The following LINGO2 variants were observed in gnomAD, a reference collection of about 807,000 sequenced individuals.
LINGO2 encodes leucine-rich repeat and immunoglobulin-like domain-containing nogo receptor-interacting protein 2.
A neutral mutation model predicts 30.6 loss-of-function variants in LINGO2; 14 were observed. The observed-to-expected ratio is 0.46, with a 90% CI of 0.30 to 0.72. The LOEUF is 0.72. Ranked by LOEUF, LINGO2 falls within the 30% of genes least tolerant of loss-of-function variation. The probability of loss-of-function intolerance (pLI) is 0.07; values close to 1 mark genes in which losing one functional copy is unlikely to be tolerated. For missense variants in LINGO2, 729 were observed against 751.7 expected (o/e 0.97, Z 0.35); for synonymous variants, 317 against 288.5 (o/e 1.10, Z -1.00).
intron 4 of LINGO2, among the ~76,000 whole-genome samples, chr9:28,235,936 T>G (rs975709479): frequency 6.6e-6 from 1 of 152,104 alleles, no homozygotes; most frequent in Non-Finnish European, 1.5e-5. Context: ...ATCAGAGGAC[T>G]TCCTAATCCT....
intron 3 of LINGO2, among the ~76,000 whole-genome samples, chr9:28,321,960 C>T (rs767591905): frequency 3.3e-5 from 5 of 152,138 alleles, no homozygotes; most frequent in Non-Finnish European, 5.9e-5. Context: ...TATTTTTATA[C>T]ATCCATCAAT....
intron 1 of LINGO2, among the ~76,000 whole-genome samples, chr9:28,502,937 T>C (rs146466135): frequency 6.6e-6 from 1 of 152,232 alleles, no homozygotes; most frequent in East Asian, 1.9e-4. Flanking sequence ...ATAGTTCCTG[T>C]GCAGATAATG....
the LINGO2 span, among the ~76,000 whole-genome samples, chr9:28,992,692 A>T: frequency 6.6e-6 from 1 of 152,154 alleles, no homozygotes; most frequent in Non-Finnish European, 1.5e-5. Context: ...ATCAAACTAG[A>T]ACTCAGGATT....
intron 2 of LINGO2, among the ~76,000 whole-genome samples, chr9:28,447,325 C>T (rs760563971): frequency 6.6e-6 from 1 of 152,110 alleles, no homozygotes; most frequent in East Asian, 1.9e-4. Flanking sequence ...GAATTAGTTG[C>T]TTGTAAAACT....
chr9:27,968,684 C>T (rs1266550357), intron 5 of LINGO2, among the ~76,000 whole-genome samples: 10 of 151,772 alleles, frequency 6.6e-5, no homozygotes, highest in Admixed American at 1.3e-4. Flanking sequence ...AAAAGTCCTT[C>T]AAAATTCAAT....
chr9:29,163,845 G>A, the LINGO2 span, among the ~76,000 whole-genome samples: 2 of 152,104 alleles, frequency 1.3e-5, no homozygotes, highest in African/African-American at 4.8e-5. Context: ...GAATGCAACA[G>A]TACCTCCCAT....
chr9:28,826,012 C>T, the LINGO2 span, among the ~76,000 whole-genome samples: 10 of 152,120 alleles, frequency 6.6e-5, no homozygotes, highest in Non-Finnish European at 7.4e-5. Flanking sequence ...AATGCCAAGG[C>T]ACAAAGCTAC....
chr9:28,799,554 C>G, the LINGO2 span, among the ~76,000 whole-genome samples: 1 of 152,190 alleles, frequency 6.6e-6, no homozygotes, highest in African/African-American at 2.4e-5. Flanking sequence ...GTTTTAAGAA[C>G]TGAGAGGAGA....
the LINGO2 span, among the ~76,000 whole-genome samples, chr9:28,943,256 G>A: frequency 1.3e-5 from 2 of 152,182 alleles, no homozygotes; most frequent in African/African-American, 4.8e-5. Context: ...CTCCATTATG[G>A]AGCAGGAGAA....
the LINGO2 span, among the ~76,000 whole-genome samples, chr9:29,078,139 G>A: frequency 6.6e-6 from 1 of 151,876 alleles, no homozygotes; most frequent in Non-Finnish European, 1.5e-5. Flanking sequence ...CAATATTTAA[G>A]GAGCAAAGAA....
chr9:28,744,973 C>T, the LINGO2 span, among the ~76,000 whole-genome samples: 1 of 151,868 alleles, frequency 6.6e-6, no homozygotes, highest in South Asian at 2.1e-4. Context: ...AGGAGTGATC[C>T]CTAGGTCTAC....
chr9:28,020,195 G>T (rs1355265973), intron 4 of LINGO2, among the ~76,000 whole-genome samples: 1 of 152,128 alleles, frequency 6.6e-6, no homozygotes, highest in Non-Finnish European at 1.5e-5. Context: ...GTTGGAACTG[G>T]GCAGGAGCAC....
chr9:28,984,106 C>T, the LINGO2 span, among the ~76,000 whole-genome samples: 2 of 152,014 alleles, frequency 1.3e-5, no homozygotes, highest in Non-Finnish European at 2.9e-5. Context: ...TTTTATCCTC[C>T]CAAAGAATTT....
At chr9:28,157,672 A>T (rs1047278668) in intron 4 of LINGO2, among the ~76,000 whole-genome samples, 2 of 152,098 alleles carry the variant, frequency 1.3e-5, no homozygotes, top group Non-Finnish European at 2.9e-5. Flanking sequence ...TATAAAACTG[A>T]CTGACTTTAA....
chr9:28,049,397 C>G (rs141836454), intron 4 of LINGO2, among the ~76,000 whole-genome samples: 6 of 150,698 alleles, frequency 4.0e-5, no homozygotes, highest in African/African-American at 1.5e-4. Context: ...TTCAACATAG[C>G]AGGTAATAAA....
At chr9:28,245,479 A>G (rs907032805) in intron 4 of LINGO2, among the ~76,000 whole-genome samples, 2 of 152,204 alleles carry the variant, frequency 1.3e-5, no homozygotes, top group Admixed American at 1.3e-4. Context: ...AAATAAAAAA[A>G]GGTTTTCAAT....
At chr9:28,369,166 G>C (rs1820801949) in intron 3 of LINGO2, among the ~76,000 whole-genome samples, 1 of 152,014 alleles carries the variant, frequency 6.6e-6, no homozygotes, top group Non-Finnish European at 1.5e-5. Context: ...CAGCAGCTCA[G>C]ACTCCTTTTC....
chr9:28,183,397 C>A (rs927615482), intron 4 of LINGO2, among the ~76,000 whole-genome samples: 6 of 151,964 alleles, frequency 3.9e-5, no homozygotes, highest in African/African-American at 1.4e-4. Context: ...CATACCTGCA[C>A]ATTATGCACG....
chr9:28,879,659 C>G, the LINGO2 span, among the ~76,000 whole-genome samples: 1 of 151,992 alleles, frequency 6.6e-6, no homozygotes, highest in Non-Finnish European at 1.5e-5. Context: ...AACAACCACC[C>G]TAACCTACAC....
Sources: gnomAD v4.1 joint callset for allele counts (sites outside exome capture counted in the v4.1 genomes callset) on GRCh38, gnomAD v4.1.1 for gene constraint, MANE v1.5 for transcripts, NCBI Gene and HGNC (gene_info 2026-07-23, HGNC 2026-07-21) for gene names.